The following ELF2 variants were observed in gnomAD, a reference collection of about 807,000 sequenced individuals.
ELF2 encodes ETS-related transcription factor Elf-2.
Under a neutral mutation model 54.8 loss-of-function variants are expected in ELF2, and 11 were observed. That is an observed-to-expected ratio of 0.20 (90% confidence interval 0.13 to 0.33). The LOEUF is 0.33. ELF2 is among the 10% of genes least tolerant of loss of function. The pLI is 1.00. For synonymous variants in ELF2, 203 were observed against 245.1 expected (o/e 0.83, Z 1.61); for missense variants, 513 against 703.0 (o/e 0.73, Z 3.06).
Position 139,062,025 on chromosome 4 carries a change from C to T in ELF2, c.646G>A (p.Asp216Asn), listed in dbSNP as rs151154004. ...CAAGTATTTTTATCTTGAAGTAGATCTAAAAGAAACTCCCACAAATAGGTT... is the reference window on the plus strand; with the variant it reads ...CAAGTATTTTTATCTTGAAGTAGATTTAAAAGAAACTCCCACAAATAGGTT... ...NTTYLWEFLLDLLQDKNTCPR... is the reference protein window; with the variant it reads ...NTTYLWEFLLNLLQDKNTCPR... Residue 216 changes from aspartate to asparagine, a missense_variant, in exon 8 of 10, where the codon GAT becomes AAT. Coordinates refer to ENST00000686138, the MANE Select transcript of ELF2 (RefSeq NM_001331036.3). 1 of 1,613,746 alleles carries T rather than the reference C, an allele frequency of 6.2e-7. No homozygotes were observed.
chr4:139,067,588 T>C (rs775598385), intron 7 of ELF2, 96 bp downstream of exon 7: 53 of 1,244,086 alleles, frequency 4.3e-5, no homozygotes, highest in Non-Finnish European at 6.0e-5. Context: ...TATTCTCATA[T>C]GTGCATGTAC....
At chr4:139,171,036 G>A (rs1010822506) in intron 1 of ELF2, among the ~76,000 whole-genome samples, 1 of 151,818 alleles carries the variant, frequency 6.6e-6, no homozygotes, top group African/African-American at 2.4e-5. Context: ...ATGAGCCACC[G>A]CACCCAGCCC....
At chr4:139,093,896 CTTT>C (rs33953924) in intron 4 of ELF2, among the ~76,000 whole-genome samples, 9 of 83,500 alleles carry the variant, frequency 1.1e-4, no homozygotes, top group African/African-American at 1.2e-4. Flanking sequence ...TGACTAACAT[CTTT>C]TTTTTTTTTT....
chr4:139,136,088 G>A (rs1236003742), intron 3 of ELF2, among the ~76,000 whole-genome samples: 1 of 152,086 alleles, frequency 6.6e-6, no homozygotes, highest in Non-Finnish European at 1.5e-5. Flanking sequence ...AAGCATTTGA[G>A]GAAAAAGCAG....
In ELF2 at chr4:139,147,936, G is replaced by A. The variant is rs1250737715; in HGVS notation, c.-251-8439C>T. Among the ~76,000 whole-genome samples the A allele has an allele frequency of 4.6e-5, 7 of 151,680 alleles. No individual in the cohort carries two copies. In the East Asian group the frequency reaches 5.8e-4, roughly 13 times the overall value. ...CGAGTAGCTGGGATTACAGGCATGC[G>A]CCACCAGGCCCAGCTAATTTTGTAT... On this transcript the variant is annotated intron_variant, in intron 1 of 9. Transcript: ENST00000686138.
At chr4:139,084,476 G>GC (rs1731735110) in intron 4 of ELF2, 1 of 1,053,770 alleles carries the variant, frequency 9.5e-7, no homozygotes, top group Admixed American at 5.2e-5. Context: ...GGCTGTGGCG[G>GC]CCGCCGCAGC....
intron 6 of ELF2, among the ~76,000 whole-genome samples, chr4:139,071,249 T>C (rs1729468109): frequency 6.6e-6 from 1 of 151,962 alleles, no homozygotes; most frequent in Admixed American, 6.6e-5. Context: ...AATGTGAATA[T>C]TGTATATAGT....
chr4:139,165,571 G>A (rs538231341), intron 1 of ELF2, among the ~76,000 whole-genome samples: 12 of 152,282 alleles, frequency 7.9e-5, no homozygotes, highest in East Asian at 3.9e-4. Flanking sequence ...GCTGAGGCAG[G>A]AGAACCACTT....
At chr4:139,112,869 T>C (rs552646092) in intron 4 of ELF2, among the ~76,000 whole-genome samples, 1 of 152,300 alleles carries the variant, frequency 6.6e-6, no homozygotes, top group East Asian at 1.9e-4. Flanking sequence ...CACTCCAGCC[T>C]GAGTGACGGA....
chr4:139,128,009 C>A lies in ELF2; in HGVS notation c.73-2680G>T, dbSNP rs185211015. Among the ~76,000 whole-genome samples the A allele has an allele frequency of 9.2e-5, 14 of 151,360 alleles. No homozygotes were observed. In the East Asian group the frequency reaches 2.5e-3, roughly 27 times the overall value. The stretch of plus-strand genomic sequence containing the variant: ...TTCAGACCAGGTTCAGCGGCTCACA[C>A]CTGTAATCCCAAAACTTTGGGAGGC... On this transcript the variant is annotated intron_variant, in intron 3 of 9. Coordinates refer to ENST00000686138, the MANE Select transcript of ELF2 (RefSeq NM_001331036.3).
Position 139,095,011 on chromosome 4 carries a change from T to G in ELF2, c.239-21444A>C, listed in dbSNP as rs114352108. On this transcript the variant is annotated intron_variant, in intron 4 of 9. Transcript: ENST00000686138. ...GTTTATCTGGATCATCTCTTAAATTTTATGTGTTAATTAAGTCATCTGTAA... is the reference window on the plus strand; with the variant it reads ...GTTTATCTGGATCATCTCTTAAATTGTATGTGTTAATTAAGTCATCTGTAA... Among the ~76,000 whole-genome samples the G allele has an allele frequency of 5.0e-3, 766 of 152,270 alleles. 6 individuals are homozygous for G. The highest frequency in any genetic ancestry group is 0.018 in the African/African-American group (730 of 41,556).
chr4:139,126,556 A>G (rs1355017859), intron 3 of ELF2, among the ~76,000 whole-genome samples: 1 of 152,172 alleles, frequency 6.6e-6, no homozygotes, highest in African/African-American at 2.4e-5. Flanking sequence ...TGGGAACAGA[A>G]AAGATTCTAC....
intron 1 of ELF2, among the ~76,000 whole-genome samples, chr4:139,157,444 G>A (rs1360788904): frequency 3.3e-5 from 5 of 152,082 alleles, no homozygotes; most frequent in Middle Eastern, 3.4e-3. Flanking sequence ...CTGTCAACCA[G>A]GCTGGAGTGC....
chr4:139,126,760 C>T (rs1328797255), intron 3 of ELF2, among the ~76,000 whole-genome samples: 2 of 152,174 alleles, frequency 1.3e-5, no homozygotes, highest in African/African-American at 4.8e-5. Context: ...TCTTCTCAGA[C>T]ATGAAAGATC....
intron 1 of ELF2, among the ~76,000 whole-genome samples, chr4:139,147,618 C>T (rs1222709415): frequency 2.0e-5 from 3 of 148,236 alleles, no homozygotes; most frequent in East Asian, 4.1e-4. Flanking sequence ...ATTACAGGCA[C>T]CTGCCACTGC....
chr4:139,120,172 C>T (rs1736167354), intron 4 of ELF2, among the ~76,000 whole-genome samples: 1 of 152,202 alleles, frequency 6.6e-6, no homozygotes. Flanking sequence ...CTTCATCAGT[C>T]TTGCCTTCCT....
At position 139,068,032 on chromosome 4, in the gene ELF2, C is replaced by CT. The variant is rs796236359; in HGVS notation, c.527-263dup. The stretch of plus-strand genomic sequence containing the variant: ...TTGGTCAGAGCCTTGATTTGCCAAT[C>CT]TTTTTTTTTTTTGAGACAGAGTCTT... On this transcript the variant is annotated intron_variant, in intron 6 of 9. Transcript: ENST00000686138. 7.7e-3 allele frequency among the ~76,000 whole-genome samples: 1,125 copies of CT among 146,166 alleles called. 12 individuals are homozygous for CT. Among genetic ancestry groups the CT allele is most frequent in the African/African-American group, 0.024 (980 of 40,168 alleles).
At chr4:139,150,096 T>G (rs1428033475) in intron 1 of ELF2, among the ~76,000 whole-genome samples, 2 of 151,886 alleles carry the variant, frequency 1.3e-5, no homozygotes, top group Non-Finnish European at 2.9e-5. Flanking sequence ...TCCCAATACT[T>G]TGGGAGGCCG....
At chr4:139,165,483 A>T (rs1741625442) in intron 1 of ELF2, among the ~76,000 whole-genome samples, 1 of 151,902 alleles carries the variant, frequency 6.6e-6, no homozygotes, top group Non-Finnish European at 1.5e-5. Flanking sequence ...ACCAACATGG[A>T]GAAACCCCAT....
Sources: gnomAD v4.1 joint callset for allele counts (sites outside exome capture counted in the v4.1 genomes callset) on GRCh38, gnomAD v4.1.1 for gene constraint, MANE v1.5 for transcripts, NCBI Gene and HGNC (gene_info 2026-07-23, HGNC 2026-07-21) for gene names.